ARHGEF38: variants seen among roughly 807,000 people sequenced by gnomAD.
ARHGEF38 encodes Rho guanine nucleotide exchange factor (GEF) 38.
Under a neutral mutation model 79.9 loss-of-function variants are expected in ARHGEF38, and 79 were observed. The ratio of observed to expected loss-of-function variants is 0.99; its 90% confidence interval spans 0.82 to 1.19. ARHGEF38 has a LOEUF of 1.19. ARHGEF38 is among the 50% of genes most tolerant of loss of function. The pLI, the probability that ARHGEF38 is intolerant of heterozygous loss-of-function variation, is 0.00. For synonymous variants in ARHGEF38, 366 were observed against 328.3 expected (o/e 1.11, Z -1.24); for missense variants, 962 against 907.2 (o/e 1.06, Z -0.78).
chr4:105,645,628 G>T (rs142974638), intron 6 of ARHGEF38, among the ~76,000 whole-genome samples: 24 of 152,282 alleles, frequency 1.6e-4, no homozygotes, highest in African/African-American at 4.8e-4. Context: ...CAACTTCATT[G>T]GACCACTGCA....
chr4:105,602,269 T>C (rs1190705056), intron 2 of ARHGEF38, among the ~76,000 whole-genome samples: 1 of 152,158 alleles, frequency 6.6e-6, no homozygotes, highest in Non-Finnish European at 1.5e-5. Flanking sequence ...TAAAAATAAC[T>C]GGAGTAAGAC....
chr4:105,679,815 G>A lies in ARHGEF38; in HGVS notation c.*1878G>A. The A allele has an allele frequency of 1.6e-6, 2 of 1,218,640 alleles. No individual in the cohort carries two copies. Among genetic ancestry groups the A allele is most frequent in the Admixed American group, 1.7e-5 (1 of 57,936 alleles). 75.5% of individuals were successfully genotyped at this position (1,218,640 alleles called of 1,614,324 possible). A position where few individuals can be genotyped will look rare whatever the true frequency, so the allele number is the denominator to read the frequency against. On this transcript the variant is annotated 3_prime_UTR_variant, in exon 14 of 14. Coordinates refer to ENST00000420470, the MANE Select transcript of ARHGEF38 (RefSeq NM_001242729.2). ...GCTTTACCCACGCATCCAGAGAGAT[G>A]GATATAGGACTCAATATCCTGAGGA...
intron 1 of ARHGEF38, among the ~76,000 whole-genome samples, chr4:105,580,189 T>G (rs28889381): frequency 0.11 from 16,387 of 152,226 alleles, 937 homozygotes; most frequent in Middle Eastern, 0.17. Context: ...TCATTGATCT[T>G]TTGAATGGTT....
Position 105,663,999 on chromosome 4 carries a change from C to A in ARHGEF38, c.1546-2178C>A, listed in dbSNP as rs375495676. On this transcript the variant is annotated intron_variant, in intron 10 of 13. Coordinates refer to ENST00000420470, the MANE Select transcript of ARHGEF38 (RefSeq NM_001242729.2). The stretch of plus-strand genomic sequence containing the variant: ...AAAAAAAAAAACAAACAAAACAAAA[C>A]AAAAAAAAACCCTAAAGCACATTTT... Among the ~76,000 whole-genome samples, 1,298 of 147,718 alleles carry A rather than the reference C, an allele frequency of 8.8e-3. 14 individuals are homozygous for A. Among genetic ancestry groups the A allele is most frequent in the African/African-American group, 0.027 (1,094 of 40,268 alleles).
chr4:105,675,288 A>G (rs1411698482), intron 13 of ARHGEF38, among the ~76,000 whole-genome samples: 2 of 152,230 alleles, frequency 1.3e-5, no homozygotes, highest in African/African-American at 4.8e-5. Context: ...AATTAAAAAT[A>G]TGTTTCTTCT....
chr4:105,659,013 T>G, intron 9 of ARHGEF38, 41 bp from the exon 10 acceptor site: 3 of 1,490,462 alleles, frequency 2.0e-6, no homozygotes, highest in Non-Finnish European at 2.7e-6. Flanking sequence ...AGGTATGGGC[T>G]GATCCTCTCT....
At chr4:105,574,865 A>T (rs1300712804) in intron 1 of ARHGEF38, among the ~76,000 whole-genome samples, 1 of 152,144 alleles carries the variant, frequency 6.6e-6, no homozygotes, top group South Asian at 2.1e-4. Context: ...TTTGTATCCC[A>T]TATAGAATAA....
At chr4:105,638,826 A>G (rs931790987) in intron 5 of ARHGEF38, among the ~76,000 whole-genome samples, 1 of 152,158 alleles carries the variant, frequency 6.6e-6, no homozygotes, top group Admixed American at 6.6e-5. Flanking sequence ...TCTGATATAT[A>G]TGCCATAATT....
rs1729956320 is a variant in ARHGEF38, at chr4:105,648,651, A to G, written c.977A>G (p.His326Arg). The change falls in exon 7 of 14, where the codon CAT becomes CGT. Residue 326 changes from histidine to arginine, a missense_variant. Coordinates refer to ENST00000420470, the MANE Select transcript of ARHGEF38 (RefSeq NM_001242729.2). ...AAGAAATCAAAAAGAGTGACAAATC[A>G]TCTGAAGATTCTGACCAGAGGAGAA... is the stretch of plus-strand genomic sequence containing the variant. ...ISKKSKRVTNHLKILTRGESQ... is the reference protein window; with the variant it reads ...ISKKSKRVTNRLKILTRGESQ... 1 of 1,532,116 alleles carries G rather than the reference A, an allele frequency of 6.5e-7. No homozygotes were observed. Among genetic ancestry groups the G allele is most frequent in the Non-Finnish European group, 8.7e-7 (1 of 1,145,360 alleles). The allele number at this position is 1,532,116 out of a possible 1,614,324, so 94.9% of individuals were successfully genotyped here.
At chr4:105,593,229 T>A (rs1727421153) in intron 2 of ARHGEF38, among the ~76,000 whole-genome samples, 2 of 151,968 alleles carry the variant, frequency 1.3e-5, no homozygotes, top group Non-Finnish European at 2.9e-5. Flanking sequence ...TGGCTAATGA[T>A]CAATATAAAA....
At position 105,645,308 on chromosome 4, in the gene ARHGEF38, C is replaced by A. The variant is rs778624179; in HGVS notation, c.795C>A (p.Tyr265Ter). ...RNSTPPSHPD[Y>*]RALDDAFAAV... ...CCACCCCTCCCTCTCACCCAGATTA[C>A]AGAGCACTGGACGATGCCTTTGCTG... is the stretch of plus-strand genomic sequence containing the variant. The change falls in exon 6 of 14, where the codon TAC (tyrosine) becomes TAA (stop). Residue 265 changes from tyrosine (Y) to a stop codon, truncating the protein, a stop_gained. Coordinates refer to ENST00000420470, the MANE Select transcript of ARHGEF38 (RefSeq NM_001242729.2). LOFTEE classifies it high-confidence loss of function. 7.5e-5 allele frequency: 116 copies of A among 1,536,444 alleles called. No individual in the cohort carries two copies. The Middle Eastern group carries it at 1.0e-3, about 13-fold the overall frequency.
chr4:105,645,653 T>C (rs903994792), intron 6 of ARHGEF38, among the ~76,000 whole-genome samples: 9 of 152,206 alleles, frequency 5.9e-5, no homozygotes, highest in African/African-American at 2.2e-4. Flanking sequence ...TGGTGACATA[T>C]TGTGGGCTGA....
chr4:105,656,298 T>C (rs1232055263), intron 9 of ARHGEF38, among the ~76,000 whole-genome samples: 3 of 152,134 alleles, frequency 2.0e-5, no homozygotes, highest in African/African-American at 7.2e-5. Context: ...TCAAGTGAGC[T>C]ATGCTTTTCT....
chr4:105,565,594 G>C (rs1725849611), intron 1 of ARHGEF38, among the ~76,000 whole-genome samples: 1 of 152,188 alleles, frequency 6.6e-6, no homozygotes. Context: ...TATACGGGTA[G>C]AAAGGGAATC....
intron 2 of ARHGEF38, among the ~76,000 whole-genome samples, chr4:105,596,091 A>G (rs1727565280): frequency 6.6e-6 from 1 of 152,220 alleles, no homozygotes; most frequent in Non-Finnish European, 1.5e-5. Flanking sequence ...CCTTGAATGT[A>G]AAATGGTGCC....
At chr4:105,668,343 G>A (rs1037500740) in intron 13 of ARHGEF38, among the ~76,000 whole-genome samples, 12 of 151,900 alleles carry the variant, frequency 7.9e-5, no homozygotes, top group Admixed American at 7.2e-4. Flanking sequence ...CACCACGCCT[G>A]GCTAATTTTT....
downstream of ARHGEF38, chr4:105,682,448 C>T (rs1374135329): frequency 7.4e-6 from 2 of 271,528 alleles, no homozygotes; most frequent in Non-Finnish European, 1.4e-5. Flanking sequence ...TTTCTTTTTC[C>T]TTAAATTCAC....
intron 1 of ARHGEF38, chr4:105,563,439 A>G (rs1291566302): frequency 6.6e-6 from 1 of 152,258 alleles, no homozygotes; most frequent in African/African-American, 2.4e-5. Flanking sequence ...GAACATCTGT[A>G]GTAGGCACTT....
chr4:105,561,454 A>AATGGAATAGAATG (rs1560684495), intron 1 of ARHGEF38: 3 of 36,206 alleles, frequency 8.3e-5, no homozygotes, highest in Non-Finnish European at 1.7e-4. Context: ...AGAATGGAAT[A>AATGGAATAGAATG]GAATAGAATA....
Sources: allele counts gnomAD v4.1 joint callset (sites outside exome capture counted in the v4.1 genomes callset), GRCh38; gene constraint gnomAD v4.1.1; transcripts MANE v1.5; gene names NCBI Gene and HGNC (gene_info 2026-07-23, HGNC 2026-07-21).